Variants in NLRP8 observed in about 807,000 individuals in gnomAD.
The protein encoded by NLRP8 is NLR family pyrin domain containing 8, also known as NACHT, LRR and PYD domains-containing protein 8.
In NLRP8, 86 loss-of-function variants were observed where a neutral mutation model predicts 88.7. The observed-to-expected ratio is 0.97, with a 90% CI of 0.81 to 1.16. NLRP8 has a LOEUF of 1.16. Among genes scored for constraint, NLRP8 ranks in the 50% most tolerant of loss-of-function variants. The probability of loss-of-function intolerance (pLI) is 0.00; values close to 1 mark genes in which losing one functional copy is unlikely to be tolerated. For synonymous variants in NLRP8, 504 were observed against 494.6 expected (o/e 1.02, Z -0.25); for missense variants, 1,342 against 1,286.5 (o/e 1.04, Z -0.66).
chr19:55,969,945 C>T (rs938041747), intron 5 of NLRP8, among the ~76,000 whole-genome samples: 2 of 152,140 alleles, frequency 1.3e-5, no homozygotes, highest in Non-Finnish European at 2.9e-5. Flanking sequence ...CTGTGAGACT[C>T]AGGAAACCTT....
Position 55,955,817 on chromosome 19 carries a change from C to T in NLRP8, c.1759C>T (p.Leu587=), listed in dbSNP as rs2071873053. 9 of 1,614,176 alleles carry T rather than the reference C, an allele frequency of 5.6e-6. No homozygotes were observed. Among genetic ancestry groups the T allele is most frequent in the African/African-American group, 2.7e-5 (2 of 75,046 alleles). The change falls in exon 3 of 10, where the codon CTG becomes TTG. Residue 587 remains leucine (L), a synonymous_variant. Coordinates refer to ENST00000291971, the MANE Select transcript of NLRP8 (RefSeq NM_176811.2). Reference sequence around the variant, plus strand: ...GGTGTCTTTCGGTAATAAGAGGAAACTGCTGAAAGTCATACCTCTGTTGCA... The same window carrying T: ...GGTGTCTTTCGGTAATAAGAGGAAATTGCTGAAAGTCATACCTCTGTTGCA...
intron 6 of NLRP8, among the ~76,000 whole-genome samples, 178 bp from the exon 7 acceptor site, chr19:55,973,474 C>T (rs941827991): frequency 2.0e-5 from 3 of 152,222 alleles, no homozygotes; most frequent in African/African-American, 7.2e-5. Context: ...CTTCATCCCA[C>T]CATTCCCACA....
At position 55,987,755 on chromosome 19, in the gene NLRP8, G is replaced by A. The variant is rs1002726747; in HGVS notation, c.3048-59G>A. 1.9e-5 allele frequency: 24 copies of A among 1,243,644 alleles called. No individual in the cohort carries two copies. In the East Asian group the frequency reaches 4.9e-4, roughly 25 times the overall value. 77.0% of individuals were successfully genotyped at this position (1,243,644 alleles called of 1,614,324 possible). A position where few individuals can be genotyped will look rare whatever the true frequency, so the allele number is the denominator to read the frequency against. ...CATAGAGACAAAATGCAAGCTTAGG[G>A]AAGTCACTCATCCTCAGAAAATAAC... On this transcript the variant is annotated intron_variant, in intron 9 of 9. Coordinates refer to ENST00000291971, the MANE Select transcript of NLRP8 (RefSeq NM_176811.2).
chr19:55,986,060 T>C (rs1980791769), intron 9 of NLRP8, among the ~76,000 whole-genome samples: 1 of 152,102 alleles, frequency 6.6e-6, no homozygotes, highest in African/African-American at 2.4e-5. Context: ...GTTTCAAGAT[T>C]ACTAAGAGAG....
At chr19:55,948,445 A>G (rs1343860058) in intron 1 of NLRP8, among the ~76,000 whole-genome samples, 176 bp downstream of exon 1, 1 of 151,738 alleles carries the variant, frequency 6.6e-6, no homozygotes, top group African/African-American at 2.4e-5. Context: ...TTTTAATTTT[A>G]TTTTTCTGAG....
At chr19:55,974,135 C>T (rs917961141) in intron 7 of NLRP8, among the ~76,000 whole-genome samples, 2 of 147,964 alleles carry the variant, frequency 1.4e-5, no homozygotes, top group African/African-American at 2.5e-5. Flanking sequence ...ACGACTACCT[C>T]GAGGTGTAAG....
At chr19:55,952,744 G>T in intron 2 of NLRP8, 132 bp downstream of exon 2, 1 of 676,398 alleles carries the variant, frequency 1.5e-6, no homozygotes. Flanking sequence ...GAACCAACAT[G>T]GCGAAACTCT....
intron 5 of NLRP8, among the ~76,000 whole-genome samples, chr19:55,968,025 T>C (rs569285298): frequency 2.0e-5 from 3 of 152,352 alleles, no homozygotes; most frequent in African/African-American, 7.2e-5. Context: ...CCGGAGTTCG[T>C]AGGTAAACAA....
intron 9 of NLRP8, among the ~76,000 whole-genome samples, chr19:55,985,499 T>A (rs892399190): frequency 6.6e-6 from 1 of 151,970 alleles, no homozygotes; most frequent in African/African-American, 2.4e-5. Flanking sequence ...AGGGAAAGGG[T>A]AGTATTGTAA....
chr19:55,955,867 C>A lies in NLRP8; in HGVS notation c.1809C>A (p.Gly603=), dbSNP rs1979331683. ...ATAAATGTGACCCACCTTCTCCGGGCAGTGGGGTCCCGCAGTTATTCTACT... is the reference window on the plus strand; with the variant it reads ...ATAAATGTGACCCACCTTCTCCGGGAAGTGGGGTCCCGCAGTTATTCTACT... The change falls in exon 3 of 10, where the codon GGC becomes GGA. Residue 603 remains glycine, a synonymous_variant. Coordinates refer to ENST00000291971, the MANE Select transcript of NLRP8 (RefSeq NM_176811.2). 2 of 1,614,180 alleles carry A rather than the reference C, an allele frequency of 1.2e-6. No homozygotes were observed. Among genetic ancestry groups the A allele is most frequent in the Non-Finnish European group, 8.5e-7 (1 of 1,180,016 alleles).
intron 2 of NLRP8, among the ~76,000 whole-genome samples, chr19:55,953,791 C>A (rs1484098191): frequency 2.5e-5 from 3 of 120,012 alleles, no homozygotes; most frequent in African/African-American, 1.0e-4. Context: ...CTGTGCCTGG[C>A]CTTTTTTTTT....
intron 5 of NLRP8, among the ~76,000 whole-genome samples, chr19:55,968,654 C>T (rs537614729): frequency 1.1e-4 from 17 of 149,548 alleles, no homozygotes; most frequent in Non-Finnish European, 1.8e-4. Flanking sequence ...GCAGGAGAAT[C>T]GCTTGAATCC....
intron 5 of NLRP8, 89 bp from the exon 6 acceptor site, chr19:55,970,455 C>T (rs1377198986): frequency 7.0e-7 from 1 of 1,435,328 alleles, no homozygotes; most frequent in African/African-American, 1.4e-5. Flanking sequence ...GCTGTGAAGA[C>T]TGAGACATGA....
intron 3 of NLRP8, among the ~76,000 whole-genome samples, chr19:55,959,025 C>T (rs559121709): frequency 1.3e-5 from 2 of 151,206 alleles, no homozygotes; most frequent in African/African-American, 2.4e-5. Context: ...ACTACAGGCG[C>T]CCGCCAACAC....
At chr19:55,959,414 C>G (rs1016347366) in intron 3 of NLRP8, among the ~76,000 whole-genome samples, 17 of 147,636 alleles carry the variant, frequency 1.2e-4, no homozygotes, top group Non-Finnish European at 2.2e-4. Context: ...GGGTTTCACC[C>G]TGTTAGCCAG....
intron 3 of NLRP8, among the ~76,000 whole-genome samples, chr19:55,961,514 A>G (rs547663055): frequency 6.6e-6 from 1 of 152,280 alleles, no homozygotes; most frequent in Admixed American, 6.5e-5. Flanking sequence ...TAAAAAAGCA[A>G]TTCCTGGTTA....
intron 4 of NLRP8, among the ~76,000 whole-genome samples, chr19:55,964,551 T>C (rs955040676): frequency 6.6e-6 from 1 of 152,024 alleles, no homozygotes; most frequent in Admixed American, 6.6e-5. Context: ...CAGGAGTTCG[T>C]GACCAGCCTG....
chr19:55,966,584 C>T (rs556748118), intron 5 of NLRP8, among the ~76,000 whole-genome samples: 3 of 152,202 alleles, frequency 2.0e-5, no homozygotes, highest in East Asian at 3.9e-4. Context: ...GGGAGGATCA[C>T]GAGGTAGAGA....
intron 8 of NLRP8, among the ~76,000 whole-genome samples, chr19:55,977,621 A>G (rs1313976766): frequency 1.3e-5 from 2 of 149,898 alleles, no homozygotes; most frequent in Non-Finnish European, 3.0e-5. Flanking sequence ...CTTTGCTAAC[A>G]TGTATACCAG....
Sources: allele counts gnomAD v4.1 joint callset (sites outside exome capture counted in the v4.1 genomes callset), GRCh38; gene constraint gnomAD v4.1.1; transcripts MANE v1.5; gene names NCBI Gene and HGNC (gene_info 2026-07-23, HGNC 2026-07-21).